PCDHA4: variants seen among roughly 807,000 people sequenced by gnomAD.
The protein encoded by PCDHA4 is protocadherin alpha-4.
PCDHA4 carries 49 observed loss-of-function variants against 61.4 expected under a neutral mutation model. The ratio of observed to expected loss-of-function variants is 0.80; its 90% CI spans 0.63 to 1.01. The LOEUF (loss-of-function observed/expected upper bound fraction) is 1.01, where lower values mean the gene tolerates loss of function less well. PCDHA4 is among the 50% of genes least tolerant of loss of function. PCDHA4 has a pLI of 0.00. For missense variants in PCDHA4, 1,254 were observed against 1,235.8 expected (o/e 1.01, Z -0.22); for synonymous variants, 590 against 550.3 (o/e 1.07, Z -1.01).
In PCDHA4 at chr5:140,840,930, C is replaced by T. The variant is rs2150310156; in HGVS notation, c.2385+31358C>T. Among the ~76,000 whole-genome samples the T allele has an allele frequency of 2.0e-5, 3 of 151,804 alleles. No homozygotes were observed. The South Asian group carries it at 6.2e-4, about 32-fold the overall frequency. On this transcript the variant is annotated intron_variant, in intron 1 of 3. Transcript: ENST00000530339. ...TACTTAAATTTATTATTAATTGATACGATATTTGAAATATTGGGAAGAAAT... is the reference window on the plus strand; with the variant it reads ...TACTTAAATTTATTATTAATTGATATGATATTTGAAATATTGGGAAGAAAT...
At chr5:140,841,198 C>A in intron 1 of PCDHA4, 1 of 1,281,352 alleles carries the variant, frequency 7.8e-7, no homozygotes, top group Non-Finnish European at 1.1e-6. Context: ...TTTTCTCTGA[C>A]AGCATCTGTC....
intron 1 of PCDHA4, chr5:140,857,244 C>A: frequency 6.3e-7 from 1 of 1,598,592 alleles, no homozygotes; most frequent in Admixed American, 1.7e-5. Flanking sequence ...CTGGTGTCCA[C>A]CTACAAGAAT....
chr5:140,997,559 T>C (rs550494855), intron 3 of PCDHA4, among the ~76,000 whole-genome samples: 9 of 152,148 alleles, frequency 5.9e-5, no homozygotes, highest in Non-Finnish European at 1.3e-4. Context: ...ACAGGACAAC[T>C]GTCATATGTG....
intron 1 of PCDHA4, chr5:140,883,940 G>T: frequency 6.2e-7 from 1 of 1,613,412 alleles, no homozygotes; most frequent in Non-Finnish European, 8.5e-7. Flanking sequence ...CGTGCTGGAC[G>T]AGAACGACAA....
chr5:140,978,044 G>A (rs1205342779), intron 1 of PCDHA4, among the ~76,000 whole-genome samples: 1 of 152,140 alleles, frequency 6.6e-6, no homozygotes, highest in Non-Finnish European at 1.5e-5. Flanking sequence ...GACAGTGATG[G>A]TGACTGATGA....
At chr5:140,920,828 G>A (rs1482219421) in intron 1 of PCDHA4, among the ~76,000 whole-genome samples, 4 of 147,976 alleles carry the variant, frequency 2.7e-5, no homozygotes, top group African/African-American at 1.0e-4. Context: ...TGGCGACGGA[G>A]CAAGACCAAA....
chr5:140,819,846 C>A (rs1169501411), intron 1 of PCDHA4, among the ~76,000 whole-genome samples: 1 of 151,938 alleles, frequency 6.6e-6, no homozygotes, highest in Non-Finnish European at 1.5e-5. Flanking sequence ...ACTTTTTCTC[C>A]ATTGAGTATA....
At chr5:140,827,748 C>A (rs1290868920) in intron 1 of PCDHA4, among the ~76,000 whole-genome samples, 1 of 152,166 alleles carries the variant, frequency 6.6e-6, no homozygotes, top group Non-Finnish European at 1.5e-5. Context: ...AATTAGATCC[C>A]TTACTTTAAA....
chr5:140,861,875 G>A (rs536316247), intron 1 of PCDHA4: 3 of 156,086 alleles, frequency 1.9e-5, no homozygotes, highest in African/African-American at 7.2e-5. Context: ...TGGGGGCGAA[G>A]CTGAGCTGAC....
intron 1 of PCDHA4, chr5:140,865,673 C>A (rs1438550706): frequency 6.6e-6 from 1 of 152,132 alleles, no homozygotes; most frequent in Non-Finnish European, 1.5e-5. Flanking sequence ...ATAACAATTT[C>A]TAAAGTACAT....
intron 1 of PCDHA4, among the ~76,000 whole-genome samples, chr5:140,833,058 A>G (rs2150205885): frequency 6.6e-6 from 1 of 152,354 alleles, no homozygotes; most frequent in Non-Finnish European, 1.5e-5. Context: ...AAGTAATATG[A>G]GAAAAACCTT....
intron 1 of PCDHA4, among the ~76,000 whole-genome samples, chr5:140,963,206 A>C (rs988428405): frequency 2.0e-5 from 3 of 152,084 alleles, no homozygotes; most frequent in East Asian, 1.9e-4. Flanking sequence ...GAAAAAAAAA[A>C]CCTCGTGTTT....
chr5:140,970,927 G>A (rs1481513155), intron 1 of PCDHA4, among the ~76,000 whole-genome samples: 2 of 152,150 alleles, frequency 1.3e-5, no homozygotes, highest in African/African-American at 4.8e-5. Flanking sequence ...GAAGTGCCTG[G>A]TGTTAGTCAA....
rs1486242200 is a variant in PCDHA4, at chr5:140,900,929, A to G, written c.2386-78020A>G. ...CTGTGGTAAGATGATATCTCATTGT[A>G]GTTTTGATTTGCATTTCTCTGATTA... On this transcript the variant is annotated intron_variant, in intron 1 of 3. Coordinates refer to ENST00000530339, the MANE Select transcript of PCDHA4 (RefSeq NM_018907.4). Among the ~76,000 whole-genome samples, 8 of 152,104 alleles carry G rather than the reference A, an allele frequency of 5.3e-5. No individual in the cohort carries two copies. The East Asian group carries it at 1.5e-3, about 29-fold the overall frequency.
chr5:140,917,313 T>C (rs1294382574), intron 1 of PCDHA4, among the ~76,000 whole-genome samples: 12 of 132,588 alleles, frequency 9.1e-5, no homozygotes, highest in African/African-American at 3.0e-4. Flanking sequence ...TACAATTTGG[T>C]GTTCATGTGG....
At chr5:140,860,638 CGAA>C (rs2046489260) in intron 1 of PCDHA4, 1 of 152,104 alleles carries the variant, frequency 6.6e-6, no homozygotes, top group African/African-American at 2.4e-5. Context: ...GAATCAGGAA[CGAA>C]GAAGATAAGT....
At chr5:140,812,399 G>A (rs1554125980) in intron 1 of PCDHA4, 1 of 151,810 alleles carries the variant, frequency 6.6e-6, no homozygotes, top group African/African-American at 2.4e-5. Flanking sequence ...TAGCTAAGGG[G>A]CTTGTCAGTT....
Position 140,852,025 on chromosome 5 carries a change from G to A in PCDHA4, c.2385+42453G>A, listed in dbSNP as rs955032010. 1.9e-4 allele frequency: 179 copies of A among 947,094 alleles called. 7 individuals are homozygous for A. The highest frequency in any genetic ancestry group is 4.5e-4 in the African/African-American group (25 of 55,960). The allele number at this position is 947,094 out of a possible 1,614,324, so 58.7% of individuals were successfully genotyped here. A position where few individuals can be genotyped will look rare whatever the true frequency, so the allele number is the denominator to read the frequency against. On this transcript the variant is annotated intron_variant, in intron 1 of 3. Coordinates refer to ENST00000530339, the MANE Select transcript of PCDHA4 (RefSeq NM_018907.4). ...TCTAATTTATAGTTTTAAAAACTTC[G>A]CTTATTGAGTTTTTGTTATGTGGTT...
At chr5:140,884,130 C>A in intron 1 of PCDHA4, 1 of 1,613,434 alleles carries the variant, frequency 6.2e-7, no homozygotes, top group South Asian at 1.1e-5. Context: ...GCGCGCATCC[C>A]GTTCCGCGTG....
Sources: allele counts gnomAD v4.1 joint callset (sites outside exome capture counted in the v4.1 genomes callset), GRCh38; gene constraint gnomAD v4.1.1; transcripts MANE v1.5; gene names NCBI Gene and HGNC (gene_info 2026-07-23, HGNC 2026-07-21).